FARS2: variants seen among roughly 807,000 people sequenced by gnomAD.
FARS2 encodes the protein phenylalanyl-tRNA synthetase 2, mitochondrial, also known as phenylalanine--tRNA ligase, mitochondrial.
Under a neutral mutation model 46.4 loss-of-function variants are expected in FARS2, and 40 were observed. That is an observed-to-expected ratio of 0.86 (90% CI 0.67 to 1.12). The LOEUF is 1.12. Ranked by LOEUF, FARS2 falls within the 50% of genes most tolerant of loss-of-function variation. The pLI, the probability that FARS2 is intolerant of heterozygous loss-of-function variation, is 0.00. For missense variants in FARS2, 513 were observed against 567.9 expected, an observed-to-expected ratio of 0.90 and a Z score of 0.98; for synonymous variants, 234 against 214.9, an observed-to-expected ratio of 1.09 and a Z score of -0.78.
intron 1 of FARS2, among the ~76,000 whole-genome samples, chr6:5,358,675 A>G (rs904980323): frequency 2.0e-5 from 3 of 152,210 alleles, no homozygotes; most frequent in South Asian, 2.1e-4. Flanking sequence ...AATCACTACA[A>G]TTCCAAATAC....
At chr6:5,698,593 T>C (rs1436997905) in intron 6 of FARS2, among the ~76,000 whole-genome samples, 2 of 152,062 alleles carry the variant, frequency 1.3e-5, no homozygotes, top group Non-Finnish European at 2.9e-5. Context: ...TTAGGTGAGT[T>C]ATTAGGATCA....
At chr6:5,595,717 T>C (rs963284406) in intron 5 of FARS2, among the ~76,000 whole-genome samples, 10 of 152,176 alleles carry the variant, frequency 6.6e-5, no homozygotes, top group Non-Finnish European at 1.0e-4. Context: ...TGGCCATGAA[T>C]GGAAGAGCAG....
rs1391729088 is a variant in FARS2 at position 5,532,774 on chromosome 6, T to TAAGAAGAAGAAGAAGAAGAAG, written c.905-12404_905-12403insGAAGAAGAAGAAGAAGAAGAA. Among the ~76,000 whole-genome samples the TAAGAAGAAGAAGAAGAAGAAG allele has an allele frequency of 2.0e-4, 28 of 141,484 alleles. 1 individual carries two copies. Among genetic ancestry groups the TAAGAAGAAGAAGAAGAAGAAG allele is most frequent in the African/African-American group, 8.0e-4 (27 of 33,664 alleles). 92.8% of individuals were successfully genotyped at this position (141,484 alleles called of 152,430 possible). On this transcript the variant is annotated intron_variant, in intron 4 of 6. Transcript: ENST00000274680. ...TCAAAAGTAGTAGTAGTAATAATAATAATAATAATAAGAAGAAGAAGAAGA... is the reference window on the plus strand; with the variant it reads ...TCAAAAGTAGTAGTAGTAATAATAATAAGAAGAAGAAGAAGAAGAAGAATAATAATAAGAAGAAGAAGAAGA...
rs184981340 is a variant in FARS2 at position 5,330,097 on chromosome 6, G to A, written c.-21-38453G>A. 8.2e-4 allele frequency among the ~76,000 whole-genome samples: 125 copies of A among 152,186 alleles called. 2 individuals carry two copies. Among genetic ancestry groups the A allele is most frequent in the Admixed American group, 6.7e-3 (102 of 15,294 alleles). On this transcript the variant is annotated intron_variant, in intron 1 of 6. Transcript: ENST00000274680. ...ACTCCTAGCTTCCTAGAAATTCTACGGGATTTAGGAGTTCTCAATCAGGAA... is the reference window on the plus strand; with the variant it reads ...ACTCCTAGCTTCCTAGAAATTCTACAGGATTTAGGAGTTCTCAATCAGGAA...
intron 3 of FARS2, among the ~76,000 whole-genome samples, chr6:5,410,409 A>G (rs1003928945): frequency 5.9e-5 from 9 of 151,614 alleles, no homozygotes; most frequent in African/African-American, 2.2e-4. Context: ...TGATTCACCC[A>G]CTTTGGACAC....
intron 5 of FARS2, among the ~76,000 whole-genome samples, chr6:5,594,780 A>G (rs1774106017): frequency 1.3e-5 from 2 of 152,204 alleles, no homozygotes; most frequent in Non-Finnish European, 1.5e-5. Context: ...CTCCAAGGAC[A>G]GGGGCTGTGC....
In FARS2 at chr6:5,556,286, G is replaced by A. The variant is rs534287194; in HGVS notation, c.1065+10946G>A. On this transcript the variant is annotated intron_variant, in intron 5 of 6. Transcript: ENST00000274680. ...GATTAGTGGGGAGTGTGTAGCTATGGAACAGTTTTTTCTGTTTGAAATTGA... is the reference window on the plus strand; with the variant it reads ...GATTAGTGGGGAGTGTGTAGCTATGAAACAGTTTTTTCTGTTTGAAATTGA... 9.9e-5 allele frequency among the ~76,000 whole-genome samples: 15 copies of A among 152,210 alleles called. No individual in the cohort carries two copies. The South Asian group carries it at 3.1e-3, about 32-fold the overall frequency.
At chr6:5,539,897 C>A (rs141088304) in intron 4 of FARS2, among the ~76,000 whole-genome samples, 3 of 152,242 alleles carry the variant, frequency 2.0e-5, no homozygotes, top group African/African-American at 7.2e-5. Context: ...TTCCAGCTGG[C>A]GGTGCTCCCT....
chr6:5,261,407 A>C (rs899133692), upstream of FARS2: 3 of 153,068 alleles, frequency 2.0e-5, no homozygotes, highest in African/African-American at 7.2e-5. Flanking sequence ...GTTTCTTGGC[A>C]TTCCTCAGGC....
chr6:5,503,097 A>T, intron 4 of FARS2, among the ~76,000 whole-genome samples: 1 of 152,036 alleles, frequency 6.6e-6, no homozygotes, highest in Non-Finnish European at 1.5e-5. Flanking sequence ...TAAAAACAAC[A>T]TCCTCACTAA....
intron 3 of FARS2, among the ~76,000 whole-genome samples, chr6:5,429,947 C>T (rs1271699411): frequency 6.6e-6 from 1 of 150,944 alleles, no homozygotes; most frequent in Non-Finnish European, 1.5e-5. Flanking sequence ...TTTTTTTTCC[C>T]GAATCTATGA....
At chr6:5,543,747 C>G (rs1770776542) in intron 4 of FARS2, among the ~76,000 whole-genome samples, 1 of 152,158 alleles carries the variant, frequency 6.6e-6, no homozygotes, top group South Asian at 2.1e-4. Flanking sequence ...CGAGTCCTGC[C>G]TGTATCTCCA....
intron 5 of FARS2, among the ~76,000 whole-genome samples, chr6:5,573,042 A>G (rs1281111851): frequency 6.6e-6 from 1 of 152,204 alleles, no homozygotes; most frequent in Non-Finnish European, 1.5e-5. Context: ...CTTCCTATCC[A>G]GTCTGCCTCG....
the FARS2 span, among the ~76,000 whole-genome samples, chr6:5,255,631 T>C: frequency 2.0e-5 from 3 of 152,228 alleles, no homozygotes. Flanking sequence ...TTTGTCTTCT[T>C]GGCTCTTCTT....
intron 5 of FARS2, among the ~76,000 whole-genome samples, chr6:5,582,659 C>CT (rs1266970794): frequency 3.2e-4 from 48 of 152,344 alleles, no homozygotes; most frequent in African/African-American, 1.1e-3. Context: ...CCAGATAACT[C>CT]TAAGTTTGTG....
chr6:5,259,723 A>G (rs1764881252), upstream of FARS2, among the ~76,000 whole-genome samples: 1 of 152,180 alleles, frequency 6.6e-6, no homozygotes, highest in Non-Finnish European at 1.5e-5. Flanking sequence ...GCTTGAGGTA[A>G]AGAGATGAGT....
intron 6 of FARS2, among the ~76,000 whole-genome samples, chr6:5,652,172 G>A (rs957825246): frequency 7.2e-5 from 11 of 152,164 alleles, no homozygotes; most frequent in Admixed American, 2.0e-4. Context: ...CAGAGGCAAT[G>A]CCTAAAACAA....
chr6:5,342,879 A>G (rs986402095), intron 1 of FARS2, among the ~76,000 whole-genome samples: 1 of 152,202 alleles, frequency 6.6e-6, no homozygotes, highest in Non-Finnish European at 1.5e-5. Context: ...GAGAGAATTG[A>G]GAAAAGATCA....
chr6:5,510,422 C>CG lies in FARS2; in HGVS notation c.905-34758_905-34757insG, dbSNP rs199747219. 2.7e-4 allele frequency among the ~76,000 whole-genome samples: 41 copies of CG among 152,274 alleles called. 1 individual carries two copies. The highest frequency in any genetic ancestry group is 9.6e-4 in the African/African-American group (40 of 41,564). ...ACTGCGGAGCTGAAGCAGCCTCTCC[C>CG]CTTCAGACCTCAGAGAGCATTTGTC... On this transcript the variant is annotated intron_variant, in intron 4 of 6. Transcript: ENST00000274680.
Sources: allele counts gnomAD v4.1 joint callset (sites outside exome capture counted in the v4.1 genomes callset), GRCh38; gene constraint gnomAD v4.1.1; transcripts MANE v1.5; gene names NCBI Gene and HGNC (gene_info 2026-07-23, HGNC 2026-07-21).